The following SNTB1 variants were observed in gnomAD, a reference collection of about 807,000 sequenced individuals.
The protein encoded by SNTB1 is syntrophin beta 1.
A neutral mutation model predicts 48.9 loss-of-function variants in SNTB1; 36 were observed. The observed-to-expected ratio is 0.74, with a 90% confidence interval of 0.56 to 0.97. The LOEUF is 0.97. Ranked by LOEUF, SNTB1 falls within the 50% of genes least tolerant of loss-of-function variation. The pLI is 0.00. For missense variants in SNTB1, 786 were observed against 703.4 expected, an observed-to-expected ratio of 1.12 and a Z score of -1.33; for synonymous variants, 299 against 294.6, an observed-to-expected ratio of 1.01 and a Z score of -0.15.
chr8:120,799,453 A>AAC (rs1820178311), intron 1 of SNTB1, among the ~76,000 whole-genome samples: 1 of 152,032 alleles, frequency 6.6e-6, no homozygotes, highest in African/African-American at 2.4e-5. Flanking sequence ...TCTACAAAAC[A>AAC]ACAAGAGGAT....
At chr8:120,599,744 T>G (rs538184199) in intron 3 of SNTB1, among the ~76,000 whole-genome samples, 8 of 152,224 alleles carry the variant, frequency 5.3e-5, no homozygotes, top group Non-Finnish European at 8.8e-5. Context: ...TGGAAATAAC[T>G]GTTTTTTTAA....
At chr8:120,606,773 C>A (rs1816528096) in intron 3 of SNTB1, among the ~76,000 whole-genome samples, 1 of 152,152 alleles carries the variant, frequency 6.6e-6, no homozygotes, top group Non-Finnish European at 1.5e-5. Flanking sequence ...ATACAAATGT[C>A]CATCACTTTA....
chr8:120,555,150 C>A (rs548479849), intron 4 of SNTB1, among the ~76,000 whole-genome samples: 1 of 152,194 alleles, frequency 6.6e-6, no homozygotes, highest in South Asian at 2.1e-4. Context: ...GGGTATATCC[C>A]CGCCAGGAAT....
At chr8:120,555,299 T>C (rs1348007071) in intron 4 of SNTB1, among the ~76,000 whole-genome samples, 1 of 152,118 alleles carries the variant, frequency 6.6e-6, no homozygotes, top group Non-Finnish European at 1.5e-5. Context: ...AAAGGACCGG[T>C]TGGCAGCCAA....
In SNTB1 at chr8:120,811,534, C is replaced by A; in HGVS notation, c.310G>T (p.Glu104Ter). 2 of 1,609,600 alleles carry A rather than the reference C, an allele frequency of 1.2e-6. No homozygotes were observed. The highest frequency in any genetic ancestry group is 8.5e-7 in the Non-Finnish European group (1 of 1,177,966). Reference protein sequence around the residue: ...AFTDLPEQVPESISNQKRGVK... With the variant: ...AFTDLPEQVP ...CCACGCTTCTGGTTCGAGATGGACT[C>A]GGGCACCTGCTCGGGCAGGTCGGTG... Residue 104 changes from glutamate to a stop codon, truncating the protein, a stop_gained, in exon 1 of 7, where the codon GAG becomes TAG. Coordinates refer to ENST00000517992, the MANE Select transcript of SNTB1 (RefSeq NM_021021.4). LOFTEE classifies it high-confidence loss of function.
At chr8:120,794,780 G>C (rs1820094440) in intron 1 of SNTB1, among the ~76,000 whole-genome samples, 1 of 152,006 alleles carries the variant, frequency 6.6e-6, no homozygotes, top group African/African-American at 2.4e-5. Context: ...TTGGTGAGAG[G>C]AGCCAGGGCT....
rs143439930 is a variant in SNTB1, at chr8:120,697,036, T to C, written c.572-3128A>G. Among the ~76,000 whole-genome samples, 17 of 152,304 alleles carry C rather than the reference T, an allele frequency of 1.1e-4. No homozygotes were observed. The East Asian group carries it at 2.7e-3, about 24-fold the overall frequency. ...GAAAGGATTAGAAGTAGATCCACCA[T>C]TTCCAGGGCCATAGGGGTTAATGTC... On this transcript the variant is annotated intron_variant, in intron 1 of 6. Coordinates refer to ENST00000517992, the MANE Select transcript of SNTB1 (RefSeq NM_021021.4).
At chr8:120,540,153 A>G (rs1815262374) in intron 6 of SNTB1, among the ~76,000 whole-genome samples, 1 of 152,176 alleles carries the variant, frequency 6.6e-6, no homozygotes, top group African/African-American at 2.4e-5. Flanking sequence ...TCCCCAACAG[A>G]GTTGGTGAGT....
intron 1 of SNTB1, among the ~76,000 whole-genome samples, chr8:120,722,731 G>A (rs112234169): frequency 0.058 from 8,877 of 152,068 alleles, 843 homozygotes; most frequent in African/African-American, 0.2. Flanking sequence ...TGCTGTGCAG[G>A]AGCTCTTTAG....
intron 1 of SNTB1, among the ~76,000 whole-genome samples, chr8:120,720,746 C>T (rs1015228408): frequency 6.6e-6 from 1 of 152,190 alleles, no homozygotes; most frequent in African/African-American, 2.4e-5. Flanking sequence ...GGATGTTGGG[C>T]TAATCAGAAA....
rs540700108 is a variant in SNTB1 at position 120,546,323 on chromosome 8, C to T, written c.1333+2439G>A. ...TTCAGGATCAAGAACAATAACATTA[C>T]AGACATTGTTAATTGTATAGTTTCC... is the stretch of plus-strand genomic sequence containing the variant. On this transcript the variant is annotated intron_variant, in intron 5 of 6. Coordinates refer to ENST00000517992, the MANE Select transcript of SNTB1 (RefSeq NM_021021.4). Among the ~76,000 whole-genome samples the T allele has an allele frequency of 2.0e-5, 3 of 152,294 alleles. No homozygotes were observed. In the South Asian group the frequency reaches 6.2e-4, roughly 32 times the overall value.
intron 1 of SNTB1, among the ~76,000 whole-genome samples, chr8:120,784,300 A>AT (rs34529771): frequency 1.5e-4 from 22 of 151,706 alleles, no homozygotes; most frequent in South Asian, 2.1e-4. Context: ...AGCCTGCACC[A>AT]TTTTTTTTAA....
chr8:120,590,084 T>C lies in SNTB1; in HGVS notation c.997-14859A>G, dbSNP rs181314540. On this transcript the variant is annotated intron_variant, in intron 3 of 6. Transcript: ENST00000517992. ...CAGTCAATATCCAAGTTCACATTCC[T>C]ATGGACAGGCTCATCCTACACTGCA... is the stretch of plus-strand genomic sequence containing the variant. Among the ~76,000 whole-genome samples the C allele has an allele frequency of 1.2e-3, 187 of 152,334 alleles. 2 individuals carry two copies. In the East Asian group the frequency reaches 0.032, roughly 26 times the overall value.
At chr8:120,552,651 C>T in intron 4 of SNTB1, among the ~76,000 whole-genome samples, 1 of 152,156 alleles carries the variant, frequency 6.6e-6, no homozygotes, top group East Asian at 1.9e-4. Context: ...CCAAAGGAAG[C>T]TTTTAGAGCA....
chr8:120,624,916 C>T (rs1816851619), intron 3 of SNTB1, among the ~76,000 whole-genome samples: 1 of 152,142 alleles, frequency 6.6e-6, no homozygotes, highest in African/African-American at 2.4e-5. Context: ...GTCCAAAACA[C>T]AAAAGGGAAA....
chr8:120,774,961 C>A (rs1345055473), intron 1 of SNTB1, among the ~76,000 whole-genome samples: 1 of 152,082 alleles, frequency 6.6e-6, no homozygotes, highest in Non-Finnish European at 1.5e-5. Flanking sequence ...GCCAGAAGAG[C>A]AGGTTTCTAG....
At chr8:120,667,307 G>A (rs1817688909) in intron 2 of SNTB1, among the ~76,000 whole-genome samples, 1 of 152,076 alleles carries the variant, frequency 6.6e-6, no homozygotes, top group Non-Finnish European at 1.5e-5. Context: ...ACAGGTGAAA[G>A]CTGGCCCCTG....
intron 3 of SNTB1, among the ~76,000 whole-genome samples, chr8:120,604,320 T>C (rs926332943): frequency 6.6e-6 from 1 of 152,136 alleles, no homozygotes; most frequent in South Asian, 2.1e-4. Flanking sequence ...AATACCTGAA[T>C]CTCCATCAAA....
At chr8:120,591,794 C>T (rs1816243775) in intron 3 of SNTB1, among the ~76,000 whole-genome samples, 1 of 152,118 alleles carries the variant, frequency 6.6e-6, no homozygotes, top group African/African-American at 2.4e-5. Flanking sequence ...TCACTGTGTG[C>T]AAAGAGTGTG....
Sources: gnomAD v4.1 joint callset for allele counts (sites outside exome capture counted in the v4.1 genomes callset) on GRCh38, gnomAD v4.1.1 for gene constraint, MANE v1.5 for transcripts, NCBI Gene and HGNC (gene_info 2026-07-23, HGNC 2026-07-21) for gene names.